Variants in CFAP61 observed in about 807,000 individuals in gnomAD.
CFAP61 encodes cilia- and flagella-associated protein 61.
Under a neutral mutation model 135.6 loss-of-function variants are expected in CFAP61, and 107 were observed. The ratio of observed to expected loss-of-function variants is 0.79; its 90% CI spans 0.67 to 0.93. CFAP61 has a LOEUF of 0.93. Ranked by LOEUF, CFAP61 falls within the 40% of genes least tolerant of loss-of-function variation. The pLI, the probability that CFAP61 is intolerant of heterozygous loss-of-function variation, is 0.00. For synonymous variants in CFAP61, 575 were observed against 578.5 expected (o/e 0.99, Z 0.09); for missense variants, 1,507 against 1,556.2 (o/e 0.97, Z 0.53).
At chr20:20,067,771 ATTTAT>A (rs1333891902) in intron 2 of CFAP61, among the ~76,000 whole-genome samples, 25 of 55,570 alleles carry the variant, frequency 4.5e-4, no homozygotes, top group Non-Finnish European at 6.3e-5. Flanking sequence ...TTATATATGT[ATTTAT>A]TATATATATA....
chr20:20,052,761 C>G (rs1335346399), intron 1 of CFAP61, 170 bp downstream of exon 1: 1 of 1,552,578 alleles, frequency 6.4e-7, no homozygotes, highest in Admixed American at 1.9e-5. Flanking sequence ...TCTGGATGCT[C>G]GAGGGCGGGG....
chr20:20,118,496 A>C (rs1266202232), intron 8 of CFAP61, among the ~76,000 whole-genome samples: 1 of 147,850 alleles, frequency 6.8e-6, no homozygotes, highest in Admixed American at 6.7e-5. Flanking sequence ...GCCTGCCACC[A>C]CTCCTGGCTA....
At chr20:20,246,267 G>A (rs1450866193) in intron 19 of CFAP61, 52 bp downstream of exon 19, 4 of 1,110,144 alleles carry the variant, frequency 3.6e-6, no homozygotes, top group South Asian at 1.3e-5. Context: ...CCTACTCTGT[G>A]TGCAGTCTAT....
intron 17 of CFAP61, among the ~76,000 whole-genome samples, chr20:20,224,646 G>A (rs1411007739): frequency 2.6e-5 from 4 of 152,070 alleles, no homozygotes; most frequent in African/African-American, 4.8e-5. Context: ...CTGAGATCGC[G>A]CCATTGCACT....
intron 13 of CFAP61, among the ~76,000 whole-genome samples, chr20:20,182,413 C>T (rs576442723): frequency 5.1e-4 from 78 of 152,188 alleles, no homozygotes; most frequent in African/African-American, 1.6e-3. Flanking sequence ...ACAATTGGTC[C>T]GCTTCTAACC....
chr20:20,269,164 C>CACATATGTATATATACACATAT (rs372986717), intron 21 of CFAP61, among the ~76,000 whole-genome samples: 3 of 112,548 alleles, frequency 2.7e-5, no homozygotes, highest in African/African-American at 6.5e-5. Flanking sequence ...CACACACACA[C>CACATATGTATATATACACATAT]ATACATATAT....
chr20:20,162,213 A>T (rs528169295), intron 10 of CFAP61, among the ~76,000 whole-genome samples: 1 of 152,048 alleles, frequency 6.6e-6, no homozygotes, highest in Non-Finnish European at 1.5e-5. Context: ...GCAGATCCCT[A>T]TGATTCCTCT....
chr20:20,319,166 T>C (rs909440151), intron 25 of CFAP61, among the ~76,000 whole-genome samples: 1 of 152,216 alleles, frequency 6.6e-6, no homozygotes. Context: ...TAATACATAG[T>C]TCTGCATTGC....
At chr20:20,289,547 G>T (rs185945168) in intron 23 of CFAP61, among the ~76,000 whole-genome samples, 100 of 152,274 alleles carry the variant, frequency 6.6e-4, no homozygotes, top group African/African-American at 2.3e-3. Context: ...ACAAAATTAC[G>T]TGTTCCCTTC....
At chr20:20,222,047 G>A (rs1031681630) in intron 17 of CFAP61, 2 of 152,130 alleles carry the variant, frequency 1.3e-5, no homozygotes, top group African/African-American at 4.8e-5. Flanking sequence ...CTGGCTGACT[G>A]CTACTGTTGA....
chr20:20,167,225 AT>A (rs2146816921), intron 12 of CFAP61, among the ~76,000 whole-genome samples: 1 of 152,306 alleles, frequency 6.6e-6, no homozygotes, highest in African/African-American at 2.4e-5. Context: ...GTATAGTTTA[AT>A]TATTTTGTCT....
intron 8 of CFAP61, 67 bp downstream of exon 8, chr20:20,098,881 G>A (rs1035562882): frequency 8.0e-5 from 110 of 1,380,290 alleles, no homozygotes; most frequent in Non-Finnish European, 1.0e-4. Flanking sequence ...TGCGCTCTTC[G>A]CTAAGTGATG....
Position 20,142,968 on chromosome 20 carries a change from C to T in CFAP61, c.951+20C>T. 6.7e-7 allele frequency: 1 copy of T among 1,486,682 alleles called. No homozygotes were observed. Among genetic ancestry groups the T allele is most frequent in the Non-Finnish European group, 9.3e-7 (1 of 1,080,334 alleles). 92.1% of individuals were successfully genotyped at this position (1,486,682 alleles called of 1,614,324 possible). A position where few individuals can be genotyped will look rare whatever the true frequency, so the allele number is the denominator to read the frequency against. ...ATCCAGGTGAGAGAGACTATCCCTC[C>T]ATGCCTAGGGTGGGGGGATGGGCCT... is the stretch of plus-strand genomic sequence containing the variant. On this transcript the variant is annotated intron_variant, in intron 9 of 26. Transcript: ENST00000245957.
chr20:20,201,008 A>G (rs2056590924), intron 17 of CFAP61: 1 of 949,694 alleles, frequency 1.1e-6, no homozygotes. Flanking sequence ...GTAAATTTAT[A>G]TGTGAGTAGA....
At chr20:20,338,814 G>C (rs2058334058) in intron 25 of CFAP61, among the ~76,000 whole-genome samples, 1 of 152,254 alleles carries the variant, frequency 6.6e-6, no homozygotes, top group South Asian at 2.1e-4. Flanking sequence ...GCCTGGATGA[G>C]CAGGCAAGGA....
chr20:20,321,285 C>T (rs949177767), intron 25 of CFAP61, among the ~76,000 whole-genome samples: 1 of 151,944 alleles, frequency 6.6e-6, no homozygotes, highest in Admixed American at 6.6e-5. Context: ...TCAAAATAAC[C>T]TAGGAGGGAG....
intron 8 of CFAP61, among the ~76,000 whole-genome samples, chr20:20,105,645 G>T (rs1437738495): frequency 7.7e-6 from 1 of 129,954 alleles, no homozygotes; most frequent in African/African-American, 2.9e-5. Flanking sequence ...TATTTTTATT[G>T]TTTTGAGACG....
At chr20:20,197,728 A>G (rs1180114378) in intron 16 of CFAP61, among the ~76,000 whole-genome samples, 1 of 152,062 alleles carries the variant, frequency 6.6e-6, no homozygotes, top group Non-Finnish European at 1.5e-5. Flanking sequence ...TTTTTTCCTG[A>G]AAATTGGTCT....
At chr20:20,160,865 T>C (rs2053338135) in intron 10 of CFAP61, among the ~76,000 whole-genome samples, 1 of 152,148 alleles carries the variant, frequency 6.6e-6, no homozygotes, top group Admixed American at 6.5e-5. Context: ...ACTGAAGGGA[T>C]TGGAGAATCA....
Sources: gnomAD v4.1 joint callset for allele counts (sites outside exome capture counted in the v4.1 genomes callset) on GRCh38, gnomAD v4.1.1 for gene constraint, MANE v1.5 for transcripts, NCBI Gene and HGNC (gene_info 2026-07-23, HGNC 2026-07-21) for gene names.